PRCC: variants seen among roughly 807,000 people sequenced by gnomAD.
PRCC encodes proline rich mitotic checkpoint control factor.
In PRCC, 10 loss-of-function variants were observed where a neutral mutation model predicts 44.0. The ratio of observed to expected loss-of-function variants is 0.23; its 90% CI spans 0.14 to 0.39. PRCC has a LOEUF of 0.39. PRCC is among the 10% of genes least tolerant of loss of function. PRCC has a pLI of 1.00. For missense variants in PRCC, 573 were observed against 624.7 expected, an observed-to-expected ratio of 0.92 and a Z score of 0.88; for synonymous variants, 278 against 259.5, an observed-to-expected ratio of 1.07 and a Z score of -0.69.
At chr1:156,789,372 G>A (rs1416438379) in intron 3 of PRCC, among the ~76,000 whole-genome samples, 1 of 152,212 alleles carries the variant, frequency 6.6e-6, no homozygotes, top group Non-Finnish European at 1.5e-5. Context: ...AAAATCTGAT[G>A]TCGGAGCTGG....
rs1392106570 is a variant in PRCC, at chr1:156,786,626, G to A, written c.535G>A (p.Gly179Ser). The change falls in exon 3 of 7, where the codon GGT becomes AGT. Residue 179 changes from glycine to serine, a missense_variant. This residue lies in a region of PRCC where 118 missense variants were observed against 166.7 expected (regional missense o/e 0.71). Coordinates refer to ENST00000271526, the MANE Select transcript of PRCC (RefSeq NM_005973.5). ...TCACCAGGGATCCAGTGAGGGGACTGGTTTGTCTGCCTTGCTTCCCCAACC... is the reference window on the plus strand; with the variant it reads ...TCACCAGGGATCCAGTGAGGGGACTAGTTTGTCTGCCTTGCTTCCCCAACC... Reference protein sequence around the residue: ...TILQGSSEGTGLSALLPQPKN... With the variant: ...TILQGSSEGTSLSALLPQPKN... 1.4e-5 allele frequency: 23 copies of A among 1,612,518 alleles called. No individual in the cohort carries two copies. The highest frequency in any genetic ancestry group is 2.0e-5 in the Non-Finnish European group (23 of 1,178,804).
chr1:156,790,577 G>A (rs1057082955), intron 3 of PRCC, among the ~76,000 whole-genome samples: 1 of 152,192 alleles, frequency 6.6e-6, no homozygotes, highest in Non-Finnish European at 1.5e-5. Context: ...AGCCAAGATG[G>A]CGCCATTGCA....
At chr1:156,781,127 C>T (rs143464494) in intron 1 of PRCC, among the ~76,000 whole-genome samples, 112 of 152,234 alleles carry the variant, frequency 7.4e-4, no homozygotes, top group African/African-American at 2.4e-3. Context: ...GGCACACACA[C>T]GGAATCTTTG....
chr1:156,781,478 A>G (rs1187364426), intron 1 of PRCC, among the ~76,000 whole-genome samples: 1 of 152,204 alleles, frequency 6.6e-6, no homozygotes, highest in African/African-American at 2.4e-5. Context: ...TGGCTGGGGG[A>G]ATAATTTTTT....
chr1:156,792,412 T>A (rs2102770750), intron 4 of PRCC, among the ~76,000 whole-genome samples: 1 of 152,184 alleles, frequency 6.6e-6, no homozygotes, highest in Non-Finnish European at 1.5e-5. Flanking sequence ...TAGAATCTGC[T>A]CATATGGCCG....
chr1:156,787,650 C>CTTTT lies in PRCC; in HGVS notation c.1083+489_1083+492dup, dbSNP rs56916626. Among the ~76,000 whole-genome samples the CTTTT allele has an allele frequency of 3.0e-4, 16 of 54,172 alleles. 4 individuals carry two copies. Among genetic ancestry groups the CTTTT allele is most frequent in the African/African-American group, 6.3e-4 (7 of 11,032 alleles). The allele number at this position is 54,172 out of a possible 152,430, so 35.5% of individuals were successfully genotyped here. ...AGTACCTGATAGGTAGGTTTTTGGC[C>CTTTT]TTTTTTTTTTTTTTTTGGAGAAGGA... On this transcript the variant is annotated intron_variant, in intron 3 of 6. Coordinates refer to ENST00000271526, the MANE Select transcript of PRCC (RefSeq NM_005973.5).
chr1:156,791,461 C>G (rs1429073467), intron 3 of PRCC: 5 of 547,170 alleles, frequency 9.1e-6, no homozygotes, highest in Non-Finnish European at 1.3e-5. Flanking sequence ...TTACCCTTTC[C>G]TAAAAAATAT....
At chr1:156,793,696 T>A (rs1333609720) in intron 4 of PRCC, among the ~76,000 whole-genome samples, 1 of 151,754 alleles carries the variant, frequency 6.6e-6, no homozygotes, top group East Asian at 1.9e-4. Flanking sequence ...AATCCTGGAG[T>A]TCTGTGTTTT....
At chr1:156,791,920 A>C in intron 4 of PRCC, 128 bp downstream of exon 4, 1 of 817,920 alleles carries the variant, frequency 1.2e-6, no homozygotes. Context: ...GGTTGGCAAC[A>C]TGTAATGGAG....
chr1:156,767,622 T>C lies in PRCC; in HGVS notation c.-150T>C. The C allele has an allele frequency of 1.3e-6, 1 of 744,574 alleles. No homozygotes were observed. The highest frequency in any genetic ancestry group is 1.9e-5 in the South Asian group (1 of 52,780). 46.1% of individuals were successfully genotyped at this position (744,574 alleles called of 1,614,324 possible). On this transcript the variant is annotated 5_prime_UTR_variant, in exon 1 of 7. Transcript: ENST00000271526. The stretch of plus-strand genomic sequence containing the variant: ...GGTGGAAATCAGCCGTAGCCATGAG[T>C]TTCTGCCGGGGCTAGCCCTAGAGTA...
In PRCC at chr1:156,768,085, G is replaced by T; in HGVS notation, c.314G>T (p.Gly105Val). The stretch of plus-strand genomic sequence containing the variant: ...AGCCCGGCTGAAGCGGCGGGAGTTG[G>T]GGAGGGACTGGGATTGGGGTTGCCC... ...GVSPAEAAGV[G>V]EGLGLGLPSP... Residue 105 changes from glycine (G) to valine (V), a missense_variant, in exon 1 of 7, where the codon GGG becomes GTG. Coordinates refer to ENST00000271526, the MANE Select transcript of PRCC (RefSeq NM_005973.5). The T allele has an allele frequency of 6.3e-7, 1 of 1,588,082 alleles. No homozygotes were observed. Among genetic ancestry groups the T allele is most frequent in the Non-Finnish European group, 8.6e-7 (1 of 1,167,148 alleles).
chr1:156,773,160 G>T (rs1382009844), intron 1 of PRCC, among the ~76,000 whole-genome samples: 1 of 152,194 alleles, frequency 6.6e-6, no homozygotes, highest in Non-Finnish European at 1.5e-5. Flanking sequence ...GAGCCCCGGG[G>T]TGTGGTGCTT....
At chr1:156,779,245 C>T (rs1428429297) in intron 1 of PRCC, among the ~76,000 whole-genome samples, 1 of 146,768 alleles carries the variant, frequency 6.8e-6, no homozygotes, top group Non-Finnish European at 1.5e-5. Flanking sequence ...ACTTCCACCT[C>T]CCAGGCTCAA....
intron 5 of PRCC, chr1:156,796,355 C>G (rs1652660666): frequency 6.6e-6 from 1 of 152,184 alleles, no homozygotes; most frequent in Non-Finnish European, 1.5e-5. Context: ...AGATATGGTC[C>G]TTGTCCTTGA....
At chr1:156,774,078 G>C (rs1002060443) in intron 1 of PRCC, among the ~76,000 whole-genome samples, 5 of 148,896 alleles carry the variant, frequency 3.4e-5, no homozygotes, top group African/African-American at 1.2e-4. Flanking sequence ...TGGAATAGCA[G>C]TTACCAGGGG....
At position 156,784,222 on chromosome 1, in the gene PRCC, T is replaced by C. The variant is rs549280338; in HGVS notation, c.516+1893T>C. 5.9e-5 allele frequency among the ~76,000 whole-genome samples: 9 copies of C among 152,204 alleles called. No individual in the cohort carries two copies. In the South Asian group the frequency reaches 1.9e-3, roughly 31 times the overall value. ...TCGGCCTCCCAAAGTACTGAAATTA[T>C]AGGCGTGAGCCACCGCGCCCGGCCC... is the stretch of plus-strand genomic sequence containing the variant. On this transcript the variant is annotated intron_variant, in intron 2 of 6. Coordinates refer to ENST00000271526, the MANE Select transcript of PRCC (RefSeq NM_005973.5).
intron 2 of PRCC, among the ~76,000 whole-genome samples, chr1:156,784,556 G>A (rs1031504226): frequency 6.6e-6 from 1 of 152,214 alleles, no homozygotes; most frequent in African/African-American, 2.4e-5. Context: ...GCTCCGCCCT[G>A]TACCTCAGTG....
rs1313912847 is a variant in PRCC, at chr1:156,767,949, C to T, written c.178C>T (p.Pro60Ser). 1 of 1,583,846 alleles carries T rather than the reference C, an allele frequency of 6.3e-7. No homozygotes were observed. The highest frequency in any genetic ancestry group is 2.3e-5 in the East Asian group (1 of 43,468). ...GCCTCCGCCCCCTCAGATGCTGGCG[C>T]CAGCCTTTCCCCCGCCGCTGTTGCT... is the stretch of plus-strand genomic sequence containing the variant. ...LLPPPPQMLA[P>S]AFPPPLLLPP... The change falls in exon 1 of 7, where the codon CCA becomes TCA. Residue 60 changes from proline (P) to serine (S), a missense_variant. Around this residue, in one of 4 missense-constraint regions of PRCC, gnomAD observed 245 missense variants for 188.5 expected, o/e 1.30. Transcript: ENST00000271526.
intron 1 of PRCC, among the ~76,000 whole-genome samples, chr1:156,778,554 G>C (rs1367324475): frequency 6.6e-6 from 1 of 151,172 alleles, no homozygotes; most frequent in Non-Finnish European, 1.5e-5. Context: ...ACCTAGAGAA[G>C]TGGAATTACT....
Sources: gnomAD v4.1 joint callset for allele counts (sites outside exome capture counted in the v4.1 genomes callset) on GRCh38, gnomAD v4.1.1 for gene constraint, gnomAD v4.1.1 regional missense constraint, MANE v1.5 for transcripts, NCBI Gene and HGNC (gene_info 2026-07-23, HGNC 2026-07-21) for gene names.